The following SORCS2 variants were observed in gnomAD, a reference collection of about 807,000 sequenced individuals.
SORCS2 encodes sortilin related VPS10 domain containing receptor 2.
Under a neutral mutation model 141.6 loss-of-function variants are expected in SORCS2, and 100 were observed. The observed-to-expected ratio is 0.71, with a 90% CI of 0.60 to 0.83. The LOEUF (loss-of-function observed/expected upper bound fraction) is 0.83, where lower values mean the gene tolerates loss of function less well. Ranked by LOEUF, SORCS2 falls within the 40% of genes least tolerant of loss-of-function variation. The pLI, the probability that SORCS2 is intolerant of heterozygous loss-of-function variation, is 0.00. For missense variants in SORCS2, 1,646 were observed against 1,560.2 expected, an observed-to-expected ratio of 1.05 and a Z score of -0.93; for synonymous variants, 789 against 676.9, an observed-to-expected ratio of 1.17 and a Z score of -2.57.
chr4:7,307,563 G>A (rs1239769519), intron 1 of SORCS2, among the ~76,000 whole-genome samples: 1 of 152,224 alleles, frequency 6.6e-6, no homozygotes, highest in Non-Finnish European at 1.5e-5. Context: ...TCAGGGCTCC[G>A]CCGCCATGCC....
intron 3 of SORCS2, among the ~76,000 whole-genome samples, chr4:7,591,018 G>A (rs1716878558): frequency 6.6e-6 from 1 of 152,168 alleles, no homozygotes; most frequent in African/African-American, 2.4e-5. Flanking sequence ...TGGCCACATG[G>A]CTGCATGGCT....
chr4:7,403,976 TATATATATATATATATATATA>T (rs1211280741), intron 2 of SORCS2, among the ~76,000 whole-genome samples: 12 of 6,846 alleles, frequency 1.8e-3, no homozygotes, highest in African/African-American at 4.2e-3. Flanking sequence ...TATATATATA[TATATATATATATATATATATA>T]TTTTTTTTTT....
In SORCS2 at chr4:7,598,439, T is replaced by C. The variant is rs553705911; in HGVS notation, c.649-39889T>C. 2.0e-5 allele frequency among the ~76,000 whole-genome samples: 3 copies of C among 152,254 alleles called. No individual in the cohort carries two copies. The East Asian group carries it at 5.8e-4, about 29-fold the overall frequency. On this transcript the variant is annotated intron_variant, in intron 3 of 26. Coordinates refer to ENST00000507866, the MANE Select transcript of SORCS2 (RefSeq NM_020777.3). ...ACAGTGGGGACATGTCTTTATCTAGTCCCTGCATTGATGTAGGAGCTGATT... is the reference window on the plus strand; with the variant it reads ...ACAGTGGGGACATGTCTTTATCTAGCCCCTGCATTGATGTAGGAGCTGATT...
intron 1 of SORCS2, among the ~76,000 whole-genome samples, chr4:7,203,624 C>A (rs1193942082): frequency 1.3e-5 from 2 of 152,122 alleles, no homozygotes; most frequent in South Asian, 2.1e-4. Context: ...AAAAAAAATT[C>A]TTTTTTCTTT....
At chr4:7,592,914 C>G (rs1246809362) in intron 3 of SORCS2, among the ~76,000 whole-genome samples, 12 of 152,232 alleles carry the variant, frequency 7.9e-5, no homozygotes, top group Non-Finnish European at 2.9e-5. Flanking sequence ...AATTTCTCCA[C>G]TTGAAGGTGC....
At chr4:7,509,411 T>C (rs371778012) in intron 2 of SORCS2, among the ~76,000 whole-genome samples, 1 of 152,188 alleles carries the variant, frequency 6.6e-6, no homozygotes, top group East Asian at 1.9e-4. Context: ...AGGGGCCACT[T>C]GTAAGTGCTC....
intron 1 of SORCS2, among the ~76,000 whole-genome samples, chr4:7,346,659 T>C (rs1720668456): frequency 6.6e-6 from 1 of 152,254 alleles, no homozygotes; most frequent in Admixed American, 6.5e-5. Context: ...AGATGTAGAA[T>C]TGTCTTTTCC....
chr4:7,221,076 C>T (rs1359812899), intron 1 of SORCS2, among the ~76,000 whole-genome samples: 2 of 152,184 alleles, frequency 1.3e-5, no homozygotes, highest in African/African-American at 4.8e-5. Flanking sequence ...TGACGGCACC[C>T]AATTAAACAT....
chr4:7,236,745 C>A (rs1712307545), intron 1 of SORCS2, among the ~76,000 whole-genome samples: 1 of 152,082 alleles, frequency 6.6e-6, no homozygotes, highest in South Asian at 2.1e-4. Context: ...CCATGCCTGG[C>A]TAATTTTTGT....
chr4:7,383,619 C>T (rs1488349975), intron 1 of SORCS2, among the ~76,000 whole-genome samples: 1 of 152,184 alleles, frequency 6.6e-6, no homozygotes, highest in Non-Finnish European at 1.5e-5. Flanking sequence ...TGTCGAAAGA[C>T]GCTCAGCACT....
intron 1 of SORCS2, among the ~76,000 whole-genome samples, chr4:7,265,857 C>A (rs1030498869): frequency 1.3e-5 from 2 of 152,160 alleles, no homozygotes; most frequent in African/African-American, 2.4e-5. Flanking sequence ...CCATTCCCTT[C>A]CTGCAGAGGG....
At chr4:7,302,289 C>T (rs1365637040) in intron 1 of SORCS2, among the ~76,000 whole-genome samples, 3 of 152,204 alleles carry the variant, frequency 2.0e-5, no homozygotes, top group Admixed American at 2.0e-4. Flanking sequence ...GTAGCTTGCA[C>T]GTTGCTGGAG....
At chr4:7,641,697 G>T (rs995193976) in intron 4 of SORCS2, among the ~76,000 whole-genome samples, 1 of 152,060 alleles carries the variant, frequency 6.6e-6, no homozygotes, top group African/African-American at 2.4e-5. Context: ...TCGAGGTTGG[G>T]TGGGTGGGTG....
intron 1 of SORCS2, among the ~76,000 whole-genome samples, chr4:7,334,382 G>T (rs993920864): frequency 1.4e-5 from 2 of 143,636 alleles, no homozygotes; most frequent in East Asian, 4.0e-4. Flanking sequence ...CCTCTCACCC[G>T]CCCCTCCTTC....
chr4:7,550,565 A>C (rs1713623181), intron 3 of SORCS2, among the ~76,000 whole-genome samples: 2 of 152,204 alleles, frequency 1.3e-5, no homozygotes, highest in Admixed American at 1.3e-4. Flanking sequence ...TGGGGAACCC[A>C]GCTGGCAGAG....
At chr4:7,280,068 G>T (rs1408781325) in intron 1 of SORCS2, among the ~76,000 whole-genome samples, 2 of 152,164 alleles carry the variant, frequency 1.3e-5, no homozygotes, top group African/African-American at 4.8e-5. Context: ...TCACGGTGCT[G>T]TGAAGTGATC....
chr4:7,600,389 C>T (rs1169903274), intron 3 of SORCS2, among the ~76,000 whole-genome samples: 1 of 152,162 alleles, frequency 6.6e-6, no homozygotes, highest in Admixed American at 6.5e-5. Flanking sequence ...GATCCACATG[C>T]CAGGCGCTTG....
At chr4:7,718,227 G>T (rs1027975271) in intron 18 of SORCS2, 44 bp downstream of exon 18, 2 of 1,583,058 alleles carry the variant, frequency 1.3e-6, no homozygotes, top group Non-Finnish European at 1.7e-6. Context: ...TGTCGGGCAG[G>T]GGCGGCTCCA....
intron 1 of SORCS2, among the ~76,000 whole-genome samples, chr4:7,330,787 A>C (rs1469381972): frequency 6.6e-6 from 1 of 152,020 alleles, no homozygotes; most frequent in Non-Finnish European, 1.5e-5. Context: ...AACATTCCTG[A>C]GGTCTCTCAG....
Sources: gnomAD v4.1 joint callset for allele counts (sites outside exome capture counted in the v4.1 genomes callset) on GRCh38, gnomAD v4.1.1 for gene constraint, MANE v1.5 for transcripts, NCBI Gene and HGNC (gene_info 2026-07-23, HGNC 2026-07-21) for gene names.